Variants in PLPPR1 observed in about 807,000 individuals in gnomAD.
PLPPR1 encodes phospholipid phosphatase related 1.
In PLPPR1, 10 loss-of-function variants were observed where a neutral mutation model predicts 33.1. The observed-to-expected ratio is 0.30, with a 90% CI of 0.19 to 0.51. The LOEUF (loss-of-function observed/expected upper bound fraction) is 0.51. PLPPR1 is among the 20% of genes least tolerant of loss of function. The probability of loss-of-function intolerance (pLI) is 0.97; values close to 1 mark genes in which losing one functional copy is unlikely to be tolerated. For missense variants in PLPPR1, 304 were observed against 408.1 expected (o/e 0.74, Z 2.20); for synonymous variants, 151 against 151.0 (o/e 1.00, Z 0.00).
At chr9:101,064,472 AAC>A (rs967422924) in intron 1 of PLPPR1, among the ~76,000 whole-genome samples, 3 of 152,112 alleles carry the variant, frequency 2.0e-5, no homozygotes, top group Non-Finnish European at 2.9e-5. Context: ...TGCCAGAGCA[AAC>A]ACAGAAGCTG....
At chr9:101,282,127 G>A (rs78755138) in intron 3 of PLPPR1, among the ~76,000 whole-genome samples, 8,049 of 152,008 alleles carry the variant, frequency 0.053, 673 homozygotes, top group African/African-American at 0.18. Context: ...AACAACACAG[G>A]TCAACATTCC....
At chr9:101,033,806 T>A (rs1771455193) in intron 1 of PLPPR1, among the ~76,000 whole-genome samples, 1 of 152,192 alleles carries the variant, frequency 6.6e-6, no homozygotes, top group Admixed American at 6.5e-5. Context: ...TGTCCATAGC[T>A]ACCAAGTTAC....
intron 1 of PLPPR1, among the ~76,000 whole-genome samples, chr9:101,140,275 T>C (rs982837952): frequency 2.0e-5 from 3 of 152,134 alleles, no homozygotes; most frequent in African/African-American, 7.2e-5. Flanking sequence ...AGAAAGTGGA[T>C]TGCTGAAATG....
intron 2 of PLPPR1, among the ~76,000 whole-genome samples, chr9:101,240,279 T>C (rs945591307): frequency 6.6e-6 from 1 of 152,104 alleles, no homozygotes; most frequent in African/African-American, 2.4e-5. Context: ...ACCAATACCA[T>C]GCTGTTTTGC....
At chr9:101,152,517 T>C (rs1016753731) in intron 1 of PLPPR1, among the ~76,000 whole-genome samples, 1 of 152,182 alleles carries the variant, frequency 6.6e-6, no homozygotes, top group African/African-American at 2.4e-5. Context: ...TCTTCTAGGG[T>C]TTTTATGGCT....
chr9:101,146,276 A>G (rs1831520710), intron 1 of PLPPR1, among the ~76,000 whole-genome samples: 1 of 152,202 alleles, frequency 6.6e-6, no homozygotes, highest in African/African-American at 2.4e-5. Context: ...ATGACTAGTT[A>G]GGCAGTTAGA....
At chr9:101,156,779 G>C (rs540286147) in intron 1 of PLPPR1, among the ~76,000 whole-genome samples, 2 of 152,058 alleles carry the variant, frequency 1.3e-5, no homozygotes, top group East Asian at 3.9e-4. Flanking sequence ...AGAGGAGAGG[G>C]GAAGGCTTTC....
intron 1 of PLPPR1, among the ~76,000 whole-genome samples, chr9:101,180,094 T>TTATA (rs71507977): frequency 3.9e-4 from 24 of 61,976 alleles, no homozygotes; most frequent in Middle Eastern, 9.8e-3. Context: ...AAACTCTCCT[T>TTATA]TATATATATA....
intron 4 of PLPPR1, among the ~76,000 whole-genome samples, chr9:101,308,713 C>T (rs1297838887): frequency 5.3e-5 from 8 of 152,096 alleles, no homozygotes; most frequent in Non-Finnish European, 1.0e-4. Flanking sequence ...TAAATAACTC[C>T]TCCCAAGATG....
At chr9:101,161,528 C>T (rs1234552025) in intron 1 of PLPPR1, among the ~76,000 whole-genome samples, 1 of 151,996 alleles carries the variant, frequency 6.6e-6, no homozygotes. Flanking sequence ...AAGTTATGGA[C>T]CTACTCTAGG....
At chr9:101,083,534 G>A (rs1276183337) in intron 1 of PLPPR1, among the ~76,000 whole-genome samples, 2 of 151,990 alleles carry the variant, frequency 1.3e-5, no homozygotes, top group Admixed American at 6.5e-5. Flanking sequence ...GAAGCCTCCC[G>A]TAAGCATTTA....
At chr9:101,308,351 C>G (rs1041099886) in intron 4 of PLPPR1, among the ~76,000 whole-genome samples, 2 of 152,248 alleles carry the variant, frequency 1.3e-5, no homozygotes, top group South Asian at 2.1e-4. Flanking sequence ...AAGGCAACTT[C>G]TAGAACACAT....
chr9:101,050,141 A>G (rs1039762298), intron 1 of PLPPR1, among the ~76,000 whole-genome samples: 4 of 151,408 alleles, frequency 2.6e-5, no homozygotes, highest in African/African-American at 9.7e-5. Context: ...AAAAAAAAAA[A>G]AAAAAAAGAG....
intron 1 of PLPPR1, among the ~76,000 whole-genome samples, chr9:101,039,791 A>C (rs1024711820): frequency 6.6e-6 from 1 of 152,066 alleles, no homozygotes; most frequent in Non-Finnish European, 1.5e-5. Context: ...TATCGTGAGA[A>C]CAGCACAGGA....
At chr9:101,297,480 A>G (rs1296022227) in intron 4 of PLPPR1, among the ~76,000 whole-genome samples, 1 of 152,220 alleles carries the variant, frequency 6.6e-6, no homozygotes, top group African/African-American at 2.4e-5. Flanking sequence ...CTCCTTTAGC[A>G]AATGCTAATG....
At chr9:101,294,496 C>CA (rs1475593161) in intron 4 of PLPPR1, among the ~76,000 whole-genome samples, 3 of 151,994 alleles carry the variant, frequency 2.0e-5, no homozygotes, top group South Asian at 2.1e-4. Flanking sequence ...ACAGACACAA[C>CA]AAAAAAAGAG....
intron 1 of PLPPR1, among the ~76,000 whole-genome samples, chr9:101,068,378 G>A (rs769439825): frequency 6.6e-6 from 1 of 152,024 alleles, no homozygotes; most frequent in African/African-American, 2.4e-5. Context: ...ACAAGTCCCG[G>A]TAGGGGCTTA....
At chr9:101,166,335 C>T (rs1174609291) in intron 1 of PLPPR1, among the ~76,000 whole-genome samples, 1 of 152,272 alleles carries the variant, frequency 6.6e-6, no homozygotes, top group Middle Eastern at 3.4e-3. Flanking sequence ...TGTTAAATAC[C>T]GCATTATAGG....
chr9:101,264,126 A>G (rs997000542), intron 2 of PLPPR1, among the ~76,000 whole-genome samples: 12 of 152,108 alleles, frequency 7.9e-5, no homozygotes, highest in Non-Finnish European at 1.5e-4. Flanking sequence ...CCTTGTGTGC[A>G]ACTATTGACA....
Sources: gnomAD v4.1 joint callset for allele counts (sites outside exome capture counted in the v4.1 genomes callset) on GRCh38, gnomAD v4.1.1 for gene constraint, MANE v1.5 for transcripts, NCBI Gene and HGNC (gene_info 2026-07-23, HGNC 2026-07-21) for gene names.